Variants in DIS3 observed in about 807,000 individuals in gnomAD.
The protein encoded by DIS3 is DIS3 exosome endoribonuclease and 3'-5' exoribonuclease.
DIS3 carries 103 observed loss-of-function variants against 113.0 expected under a neutral mutation model. That is an observed-to-expected ratio of 0.91 (90% CI 0.78 to 1.07). DIS3 has a LOEUF of 1.07. DIS3 is among the 50% of genes least tolerant of loss of function. The pLI, the probability that DIS3 is intolerant of heterozygous loss-of-function variation, is 0.00. For synonymous variants in DIS3, 402 were observed against 394.3 expected, an observed-to-expected ratio of 1.02 and a Z score of -0.23; for missense variants, 1,121 against 1,167.1, an observed-to-expected ratio of 0.96 and a Z score of 0.58.
chr13:72,777,942 C>A (rs1036509089), intron 3 of DIS3, among the ~76,000 whole-genome samples: 12 of 152,026 alleles, frequency 7.9e-5, no homozygotes, highest in African/African-American at 2.9e-4. Flanking sequence ...AGCAGGGGTT[C>A]CAGTATATTT....
intron 20 of DIS3, 129 bp downstream of exon 20, chr13:72,760,400 C>T: frequency 1.8e-6 from 2 of 1,128,564 alleles, no homozygotes; most frequent in Non-Finnish European, 2.6e-6. Context: ...ATTTGCTATG[C>T]AAATATTTGG....
At position 72,753,630 on chromosome 13, in the gene DIS3, A is replaced by T. The variant is rs2033343144; in HGVS notation, c.*6165T>A. The T allele has an allele frequency of 6.6e-7, 1 of 1,516,564 alleles. No individual in the cohort carries two copies. Among genetic ancestry groups the T allele is most frequent in the Non-Finnish European group, 9.0e-7 (1 of 1,106,068 alleles). The allele number at this position is 1,516,564 out of a possible 1,614,324, so 93.9% of individuals were successfully genotyped here. The stretch of plus-strand genomic sequence containing the variant: ...AATGAGAGTTTATAGTGGTTTACTT[A>T]TTTAAATATTTGACTTTTAAGTTCC... On this transcript the variant is annotated 3_prime_UTR_variant, in exon 21 of 21. Coordinates refer to ENST00000377767, the MANE Select transcript of DIS3 (RefSeq NM_014953.5).
intron 3 of DIS3, 147 bp from the exon 4 acceptor site, chr13:72,777,640 T>G: frequency 1.4e-6 from 1 of 717,078 alleles, no homozygotes; most frequent in South Asian, 1.8e-5. Flanking sequence ...CAGGCTGGAG[T>G]GCAGCGGCGC....
chr13:72,755,016 A>G lies in DIS3; in HGVS notation c.*4779T>C. The G allele has an allele frequency of 3.1e-6, 2 of 650,498 alleles. No individual in the cohort carries two copies. Among genetic ancestry groups the G allele is most frequent in the South Asian group, 4.1e-5 (2 of 49,260 alleles). The allele number at this position is 650,498 out of a possible 1,614,324, so 40.3% of individuals were successfully genotyped here. The stretch of plus-strand genomic sequence containing the variant: ...TTTGATGCAGAATATTGATTTATAA[A>G]ATACTGTATCTTTACTGTCCCTTCA... On this transcript the variant is annotated 3_prime_UTR_variant, in exon 21 of 21. Transcript: ENST00000377767.
In DIS3 at chr13:72,759,711, T is replaced by C. The variant is rs1424639753; in HGVS notation, c.*84A>G. The C allele has an allele frequency of 9.8e-7, 1 of 1,021,256 alleles. No individual in the cohort carries two copies. Among genetic ancestry groups the C allele is most frequent in the East Asian group, 2.4e-5 (1 of 41,076 alleles). The allele number at this position is 1,021,256 out of a possible 1,614,324, so 63.3% of individuals were successfully genotyped here. On this transcript the variant is annotated 3_prime_UTR_variant, in exon 21 of 21. Transcript: ENST00000377767. Reference sequence around the variant, plus strand: ...ATGTACTTAAAAGTAACAAACTGTATCACACACTTAGGCTTAGAAGTGTTC... The same window carrying C: ...ATGTACTTAAAAGTAACAAACTGTACCACACACTTAGGCTTAGAAGTGTTC...
At chr13:72,769,198 A>G (rs1282370888) in intron 13 of DIS3, among the ~76,000 whole-genome samples, 1 of 152,250 alleles carries the variant, frequency 6.6e-6, no homozygotes, top group Non-Finnish European at 1.5e-5. Flanking sequence ...CAATTACTGT[A>G]TAAATACCCA....
At position 72,773,696 on chromosome 13, in the gene DIS3, G is replaced by A. The variant is rs749798223; in HGVS notation, c.1227C>T (p.Ser409=). Residue 409 remains serine, a synonymous_variant, in exon 8 of 21, where the codon TCC becomes TCT. Transcript: ENST00000377767. ...ACTTTAAGCTTACATTTGGATATCT[G>A]GAATTTCTGGGCCAACCATCAATAG... ...IVAIDGWPRN[S]RYPNGHFVRN... is the part of the protein sequence containing the mutation. 3.6e-5 allele frequency: 58 copies of A among 1,609,190 alleles called. No individual in the cohort carries two copies. The highest frequency in any genetic ancestry group is 4.6e-5 in the Non-Finnish European group (54 of 1,178,910).
chr13:72,776,164 A>G, intron 4 of DIS3, 72 bp from the exon 5 acceptor site: 1 of 1,421,700 alleles, frequency 7.0e-7, no homozygotes, highest in Non-Finnish European at 9.4e-7. Context: ...TATTATTAAT[A>G]TCAGAGAATT....
intron 15 of DIS3, among the ~76,000 whole-genome samples, chr13:72,764,286 T>A (rs2033698368): frequency 6.6e-6 from 1 of 152,200 alleles, no homozygotes; most frequent in African/African-American, 2.4e-5. Context: ...CAATAAAGTT[T>A]ACAAGAACTA....
intron 4 of DIS3, 70 bp downstream of exon 4, chr13:72,777,350 A>G (rs2034039882): frequency 6.9e-7 from 1 of 1,456,778 alleles, no homozygotes; most frequent in Non-Finnish European, 9.5e-7. Flanking sequence ...AAATTTGGTA[A>G]CTATATGCCT....
chr13:72,763,944 T>C (rs2033689669), intron 15 of DIS3, among the ~76,000 whole-genome samples: 1 of 151,776 alleles, frequency 6.6e-6, no homozygotes, highest in Non-Finnish European at 1.5e-5. Context: ...AGCCCAGGAG[T>C]TCGAGGACCA....
intron 2 of DIS3, 106 bp downstream of exon 2, chr13:72,780,740 A>G: frequency 9.2e-7 from 1 of 1,085,850 alleles, no homozygotes; most frequent in South Asian, 1.5e-5. Flanking sequence ...AAGGTATGAA[A>G]TCTATCACTT....
chr13:72,760,293 G>A (rs1389190780), intron 20 of DIS3, among the ~76,000 whole-genome samples: 1 of 152,138 alleles, frequency 6.6e-6, no homozygotes, highest in Non-Finnish European at 1.5e-5. Context: ...AGACTAGGCA[G>A]GAGAATGGAA....
Position 72,775,379 on chromosome 13 carries a change from T to C in DIS3, c.823-4A>G, listed in dbSNP as rs769014687. The C allele has an allele frequency of 6.3e-7, 1 of 1,590,740 alleles. No individual in the cohort carries two copies. Among genetic ancestry groups the C allele is most frequent in the Non-Finnish European group, 8.5e-7 (1 of 1,170,842 alleles). The stretch of plus-strand genomic sequence containing the variant: ...GTTTAAGTCCCTGTAAGATTATCTG[T>C]TTAAAACAACAGAGGGCACGTGCCC... On this transcript the variant is annotated splice_region_variant and splice_polypyrimidine_tract_variant and intron_variant, in intron 5 of 20. Transcript: ENST00000377767.
intron 20 of DIS3, among the ~76,000 whole-genome samples, chr13:72,760,200 G>A (rs974220618): frequency 6.6e-6 from 1 of 152,062 alleles, no homozygotes; most frequent in African/African-American, 2.4e-5. Context: ...GTTGGGGAAG[G>A]ACAAAAGTTA....
chr13:72,772,862 G>A, intron 8 of DIS3, 23 bp from the exon 9 acceptor site: 1 of 1,567,702 alleles, frequency 6.4e-7, no homozygotes, highest in Non-Finnish European at 8.6e-7. Context: ...GGCATTATTA[G>A]AAACGCCTAT....
chr13:72,765,604 A>G (rs1396050124), intron 15 of DIS3, among the ~76,000 whole-genome samples: 1 of 152,204 alleles, frequency 6.6e-6, no homozygotes, highest in Non-Finnish European at 1.5e-5. Flanking sequence ...CAGAAGGCAG[A>G]GCTCAGGTAG....
rs973408622 is a variant in DIS3, at chr13:72,756,907, G to A, written c.*2888C>T. On this transcript the variant is annotated 3_prime_UTR_variant, in exon 21 of 21. Coordinates refer to ENST00000377767, the MANE Select transcript of DIS3 (RefSeq NM_014953.5). ...GGGGTATTTCTTCGTAGCAGTGTGAGAACAGACCATAAACCTCCATTTTCT... is the reference window on the plus strand; with the variant it reads ...GGGGTATTTCTTCGTAGCAGTGTGAAAACAGACCATAAACCTCCATTTTCT... 6.6e-6 allele frequency: 1 copy of A among 152,132 alleles called. No homozygotes were observed. Among genetic ancestry groups the A allele is most frequent in the Non-Finnish European group, 1.5e-5 (1 of 68,030 alleles). 9.4% of individuals were successfully genotyped at this position (152,132 alleles called of 1,614,324 possible).
chr13:72,777,569 C>G, intron 3 of DIS3, 76 bp from the exon 4 acceptor site: 1 of 1,199,958 alleles, frequency 8.3e-7, no homozygotes, highest in African/African-American at 1.5e-5. Context: ...GTCTTGTTTG[C>G]GACAGTATAC....
Sources: gnomAD v4.1 joint callset for allele counts (sites outside exome capture counted in the v4.1 genomes callset) on GRCh38, gnomAD v4.1.1 for gene constraint, MANE v1.5 for transcripts, NCBI Gene and HGNC (gene_info 2026-07-23, HGNC 2026-07-21) for gene names.